EXT1: variants seen among roughly 807,000 people sequenced by gnomAD.
The protein encoded by EXT1 is exostosin glycosyltransferase 1, also known as exostosin-1.
Under a neutral mutation model 82.5 loss-of-function variants are expected in EXT1, and 20 were observed. The ratio of observed to expected loss-of-function variants is 0.24; its 90% confidence interval spans 0.17 to 0.35. The LOEUF (loss-of-function observed/expected upper bound fraction) is 0.35. EXT1 is among the 10% of genes least tolerant of loss of function. EXT1 has a pLI of 1.00. For synonymous variants in EXT1, 348 were observed against 350.8 expected, an observed-to-expected ratio of 0.99 and a Z score of 0.09; for missense variants, 757 against 936.5, an observed-to-expected ratio of 0.81 and a Z score of 2.50.
chr8:118,002,622 C>G (rs956683966), intron 1 of EXT1, among the ~76,000 whole-genome samples: 2 of 149,670 alleles, frequency 1.3e-5, no homozygotes, highest in Non-Finnish European at 3.0e-5. Context: ...AGCTCCACCT[C>G]CCAGATTCAC....
chr8:117,847,967 C>G (rs1812390384), intron 1 of EXT1, among the ~76,000 whole-genome samples: 2 of 152,220 alleles, frequency 1.3e-5, no homozygotes, highest in Admixed American at 1.3e-4. Context: ...CCCACTGTTG[C>G]ATCACTAGCC....
At chr8:117,963,066 A>ACCATC (rs1024780086) in intron 1 of EXT1, among the ~76,000 whole-genome samples, 52 of 152,250 alleles carry the variant, frequency 3.4e-4, no homozygotes, top group African/African-American at 1.0e-3. Flanking sequence ...CTGCTCTCCC[A>ACCATC]CCATCCCATC....
At chr8:118,082,515 C>T (rs769879871) in intron 1 of EXT1, among the ~76,000 whole-genome samples, 12 of 152,124 alleles carry the variant, frequency 7.9e-5, no homozygotes, top group Non-Finnish European at 1.2e-4. Flanking sequence ...CATACTAATA[C>T]GAATAAACCT....
intron 3 of EXT1, among the ~76,000 whole-genome samples, chr8:117,831,307 A>G (rs1587001850): frequency 6.6e-6 from 1 of 152,218 alleles, no homozygotes; most frequent in East Asian, 1.9e-4. Context: ...TTTAATGATG[A>G]TTATATAAGT....
chr8:117,804,512 A>G (rs1823209442), intron 10 of EXT1, among the ~76,000 whole-genome samples: 1 of 152,210 alleles, frequency 6.6e-6, no homozygotes, highest in African/African-American at 2.4e-5. Context: ...AGAGCTTTAC[A>G]TCCTTGGCAT....
At chr8:117,809,010 C>T (rs1183414598) in intron 8 of EXT1, among the ~76,000 whole-genome samples, 1 of 151,772 alleles carries the variant, frequency 6.6e-6, no homozygotes, top group Non-Finnish European at 1.5e-5. Flanking sequence ...ACATCATTGG[C>T]TCCCTGGTTC....
chr8:117,922,534 C>G (rs1341241958), intron 1 of EXT1, among the ~76,000 whole-genome samples: 1 of 152,136 alleles, frequency 6.6e-6, no homozygotes, highest in South Asian at 2.1e-4. Flanking sequence ...AGTCAGTAAC[C>G]GATCCACCTT....
At chr8:117,818,834 G>A (rs980454219) in intron 6 of EXT1, among the ~76,000 whole-genome samples, 2 of 152,184 alleles carry the variant, frequency 1.3e-5, no homozygotes, top group Admixed American at 1.3e-4. Context: ...GGTGGCTGGA[G>A]CTTAATAAAG....
intron 1 of EXT1, among the ~76,000 whole-genome samples, chr8:118,016,132 C>T (rs1815999600): frequency 6.6e-6 from 1 of 152,204 alleles, no homozygotes; most frequent in Non-Finnish European, 1.5e-5. Context: ...TGGCTCACGC[C>T]TATAATCCCA....
intron 9 of EXT1, among the ~76,000 whole-genome samples, chr8:117,806,421 C>T (rs1365573868): frequency 1.3e-5 from 2 of 152,196 alleles, no homozygotes; most frequent in African/African-American, 4.8e-5. Flanking sequence ...GTACATGTCA[C>T]ACCCTGTTCA....
intron 1 of EXT1, among the ~76,000 whole-genome samples, chr8:118,102,929 C>T (rs1018503127): frequency 3.3e-5 from 5 of 151,802 alleles, no homozygotes; most frequent in South Asian, 2.1e-4. Context: ...CCGAGGTGGG[C>T]GGATCACCGA....
intron 1 of EXT1, among the ~76,000 whole-genome samples, chr8:117,914,472 G>A (rs1010254082): frequency 2.0e-5 from 3 of 152,246 alleles, no homozygotes; most frequent in Admixed American, 6.5e-5. Flanking sequence ...GACTGCCTGC[G>A]GGGTTGGGCA....
rs527887350 is a variant in EXT1 at position 118,008,256 on chromosome 8, C to CTT, written c.962+101827_962+101828dup. On this transcript the variant is annotated intron_variant, in intron 1 of 10. Coordinates refer to ENST00000378204, the MANE Select transcript of EXT1 (RefSeq NM_000127.3). ...GTTGAGCTAATTTATGCATATTATA[C>CTT]TTTTTTTTGTTTTTTTATTTGAGAC... Among the ~76,000 whole-genome samples, 359 of 151,436 alleles carry CTT rather than the reference C, an allele frequency of 2.4e-3. 2 individuals are homozygous for CTT. Among genetic ancestry groups the CTT allele is most frequent in the African/African-American group, 8.2e-3 (338 of 41,030 alleles).
intron 1 of EXT1, among the ~76,000 whole-genome samples, chr8:117,969,105 T>G (rs1366149206): frequency 6.6e-6 from 1 of 152,150 alleles, no homozygotes; most frequent in Non-Finnish European, 1.5e-5. Context: ...GCGGCCACAT[T>G]TATTACCAAA....
intron 3 of EXT1, among the ~76,000 whole-genome samples, chr8:117,833,850 C>A (rs1399056941): frequency 6.6e-6 from 1 of 152,140 alleles, no homozygotes; most frequent in African/African-American, 2.4e-5. Context: ...TGGACAAGCA[C>A]AACATGCATC....
intron 1 of EXT1, among the ~76,000 whole-genome samples, chr8:117,869,504 T>TC (rs1812833439): frequency 6.6e-6 from 1 of 152,182 alleles, no homozygotes; most frequent in African/African-American, 2.4e-5. Context: ...TACCTCCTTG[T>TC]CCTAAACTAT....
chr8:117,947,335 C>A (rs938747915), intron 1 of EXT1, among the ~76,000 whole-genome samples: 3 of 152,098 alleles, frequency 2.0e-5, no homozygotes, highest in Non-Finnish European at 2.9e-5. Context: ...CCTTTAATTT[C>A]TTTTGAGGTA....
At chr8:118,100,942 T>C (rs1000678592) in intron 1 of EXT1, among the ~76,000 whole-genome samples, 1 of 151,276 alleles carries the variant, frequency 6.6e-6, no homozygotes, top group African/African-American at 2.4e-5. Flanking sequence ...AAACAATGGC[T>C]GGACTTCCAG....
At chr8:117,848,532 AG>A (rs1466989472) in intron 1 of EXT1, among the ~76,000 whole-genome samples, 1 of 152,118 alleles carries the variant, frequency 6.6e-6, no homozygotes, top group East Asian at 1.9e-4. Context: ...GATTGAGGAG[AG>A]GTGGACCAGA....
Sources: gnomAD v4.1 joint callset for allele counts (sites outside exome capture counted in the v4.1 genomes callset) on GRCh38, gnomAD v4.1.1 for gene constraint, MANE v1.5 for transcripts, NCBI Gene and HGNC (gene_info 2026-07-23, HGNC 2026-07-21) for gene names.